FHOD1: variants seen among roughly 807,000 people sequenced by gnomAD.
The protein encoded by FHOD1 is formin homology 2 domain containing 1, also known as FH1/FH2 domain-containing protein 1.
In FHOD1, 89 loss-of-function variants were observed where a neutral mutation model predicts 111.6. The ratio of observed to expected loss-of-function variants is 0.80; its 90% CI spans 0.67 to 0.95. The LOEUF is 0.95. FHOD1 is among the 40% of genes least tolerant of loss of function. The probability of loss-of-function intolerance (pLI) is 0.00; values close to 1 mark genes in which losing one functional copy is unlikely to be tolerated. For missense variants in FHOD1, 1,446 were observed against 1,554.2 expected (o/e 0.93, Z 1.17); for synonymous variants, 618 against 639.0 (o/e 0.97, Z 0.50).
chr16:67,231,079 G>A lies in FHOD1; in HGVS notation c.2667+109C>T. Reference sequence around the variant, plus strand: ...CATAGCTCACACCCAGGTGGCTGGAGCAAGCCCTGGCACAGCAGCCCAAAT... The same window carrying A: ...CATAGCTCACACCCAGGTGGCTGGAACAAGCCCTGGCACAGCAGCCCAAAT... On this transcript the variant is annotated intron_variant, in intron 17 of 21. Transcript: ENST00000258201. The surrounding 1 kb of genome is among the most constrained non-coding windows in gnomAD (Gnocchi z 4.3). 1.4e-6 allele frequency: 2 copies of A among 1,421,112 alleles called. No individual in the cohort carries two copies. The highest frequency in any genetic ancestry group is 1.9e-6 in the Non-Finnish European group (2 of 1,041,234). The allele number at this position is 1,421,112 out of a possible 1,614,324, so 88.0% of individuals were successfully genotyped here.
In FHOD1 at chr16:67,238,666, C is replaced by T; in HGVS notation, c.374-219G>A. The T allele has an allele frequency of 1.5e-6, 1 of 660,966 alleles. No individual in the cohort carries two copies. The highest frequency in any genetic ancestry group is 2.7e-6 in the Non-Finnish European group (1 of 373,892). The allele number at this position is 660,966 out of a possible 1,614,324, so 40.9% of individuals were successfully genotyped here. A position where few individuals can be genotyped will look rare whatever the true frequency, so the allele number is the denominator to read the frequency against. ...TCCTAGCCTCAAGCAATTCTCCCAC[C>T]TTGACCTCTCAAAGCACTGGCATTG... On this transcript the variant is annotated intron_variant, in intron 3 of 21. Transcript: ENST00000258201. The surrounding 1 kb of genome is among the most constrained non-coding windows in gnomAD (Gnocchi z 4.2).
intron 1 of FHOD1, among the ~76,000 whole-genome samples, chr16:67,240,452 C>T (rs2034633465): frequency 6.6e-6 from 1 of 152,180 alleles, no homozygotes; most frequent in African/African-American, 2.4e-5. Context: ...TTGCTTGAAT[C>T]CAGGAGGCAG....
chr16:67,237,231 C>A lies in FHOD1; in HGVS notation c.993+8G>T, dbSNP rs777100571. ...CCAATCCGCCTCAGAGCGTAAGGCC[C>A]GGCCCACCTCGTAGAGCACAAGCTG... On this transcript the variant is annotated splice_region_variant and intron_variant, in intron 9 of 21. Coordinates refer to ENST00000258201, the MANE Select transcript of FHOD1 (RefSeq NM_013241.3). This position sits in a 1 kb window ranked among gnomAD's most constrained non-coding sequence, Gnocchi z 5.6. The A allele has an allele frequency of 6.2e-7, 1 of 1,612,266 alleles. No homozygotes were observed. The highest frequency in any genetic ancestry group is 1.7e-5 in the Admixed American group (1 of 59,966).
Position 67,236,654 on chromosome 16 carries a change from C to T in FHOD1, c.1222G>A (p.Val408Met), listed in dbSNP as rs200846612. 2.5e-6 allele frequency: 4 copies of T among 1,611,594 alleles called. No individual in the cohort carries two copies. The highest frequency in any genetic ancestry group is 3.4e-5 in the Admixed American group (2 of 59,638). ...ALLTGPASSP[V>M]GPPSGLQASV... ...GCTTGGAGACCGGAGGGAGGGCCCACAGGGCTGGAGGCGGGGCCTGTCAGC... is the reference window on the plus strand; with the variant it reads ...GCTTGGAGACCGGAGGGAGGGCCCATAGGGCTGGAGGCGGGGCCTGTCAGC... Residue 408 changes from valine to methionine, a missense_variant, in exon 11 of 22, where the codon GTG becomes ATG. Coordinates refer to ENST00000258201, the MANE Select transcript of FHOD1 (RefSeq NM_013241.3).
chr16:67,236,169 C>T (rs865989245), intron 11 of FHOD1: 3 of 523,070 alleles, frequency 5.7e-6, no homozygotes, highest in African/African-American at 4.1e-5. Context: ...GGGTTCCTTC[C>T]CAGCCGCAGT....
chr16:67,246,680 G>A (rs1042473159), intron 1 of FHOD1, among the ~76,000 whole-genome samples: 1 of 152,190 alleles, frequency 6.6e-6, no homozygotes. Flanking sequence ...CCCTCACCCC[G>A]TGAAGTCTCT....
In FHOD1 at chr16:67,231,420, T is replaced by G; in HGVS notation, c.2505+10A>C. ...CTGACTCCCCCTAGTCCCCATGTAC[T>G]CTCACTCACCTGGGAGCCATTGAGG... On this transcript the variant is annotated intron_variant, in intron 16 of 21. Coordinates refer to ENST00000258201, the MANE Select transcript of FHOD1 (RefSeq NM_013241.3). The surrounding 1 kb of genome is among the most constrained non-coding windows in gnomAD (Gnocchi z 4.3). The G allele has an allele frequency of 6.6e-7, 1 of 1,509,788 alleles. No individual in the cohort carries two copies. The allele number at this position is 1,509,788 out of a possible 1,614,324, so 93.5% of individuals were successfully genotyped here. A position where few individuals can be genotyped will look rare whatever the true frequency, so the allele number is the denominator to read the frequency against.
In FHOD1 at chr16:67,232,176, G is replaced by A. The variant is rs374165476; in HGVS notation, c.2065C>T (p.Arg689Trp). 81 of 1,614,022 alleles carry A rather than the reference G, an allele frequency of 5.0e-5. No homozygotes were observed. Among genetic ancestry groups the A allele is most frequent in the Non-Finnish European group, 6.5e-5 (77 of 1,180,038 alleles). The change falls in exon 14 of 22, where the codon CGG becomes TGG. Residue 689 changes from arginine to tryptophan, a missense_variant. By Grantham distance (101) the Arg-to-Trp change is moderately radical. Around this residue, in one of 3 missense-constraint regions of FHOD1, gnomAD observed 1,085 missense variants for 1,108.8 expected, o/e 0.98. Transcript: ENST00000258201. ...LPSKKAGEGR[R>W]TMTTVLDPKR... is the part of the protein sequence containing the mutation. ...GGGTCCAGCACTGTGGTCATTGTCC[G>A]GCGGCCCTCTCCAGCTTTCTGCATG... is the stretch of plus-strand genomic sequence containing the variant.
At position 67,232,272 on chromosome 16, in the gene FHOD1, CTT is replaced by C; in HGVS notation, c.2047-80_2047-79del. 3 of 1,485,614 alleles carry C rather than the reference CTT, an allele frequency of 2.0e-6. No homozygotes were observed. The South Asian group carries it at 3.6e-5, about 18-fold the overall frequency. 92.0% of individuals were successfully genotyped at this position (1,485,614 alleles called of 1,614,324 possible). A position where few individuals can be genotyped will look rare whatever the true frequency, so the allele number is the denominator to read the frequency against. On this transcript the variant is annotated intron_variant, in intron 13 of 21. Coordinates refer to ENST00000258201, the MANE Select transcript of FHOD1 (RefSeq NM_013241.3). ...GTGGCTCACGCCTGTAATCCCAGCA[CTT>C]TGGGAGGCCAAGGCGGGTGGACCAC...
At position 67,247,387 on chromosome 16, in the gene FHOD1, C is replaced by G. The variant is rs772771274; in HGVS notation, c.24G>C (p.Gly8=). The part of the protein sequence containing the change: MAGGEDR[G]DGEPVSVVTV... ...TCACCACTGATACCGGCTCTCCGTC[C>G]CCGCGGTCTTCCCCGCCCGCCATGG... Residue 8 remains glycine, a synonymous_variant, in exon 1 of 22, where the codon GGG becomes GGC. Transcript: ENST00000258201. The G allele has an allele frequency of 1.2e-6, 2 of 1,613,158 alleles. No homozygotes were observed. The highest frequency in any genetic ancestry group is 2.2e-5 in the East Asian group (1 of 44,842).
chr16:67,232,266 C>T, intron 13 of FHOD1, 72 bp from the exon 14 acceptor site: 1 of 1,545,188 alleles, frequency 6.5e-7, no homozygotes, highest in South Asian at 1.2e-5. Flanking sequence ...GCCTGTAATC[C>T]CAGCACTTTG....
At position 67,232,166 on chromosome 16, in the gene FHOD1, G is replaced by A. The variant is rs1368245887; in HGVS notation, c.2075C>T (p.Thr692Ile). Reference protein sequence around the residue: ...KKAGEGRRTMTTVLDPKRSNA... With the variant: ...KKAGEGRRTMITVLDPKRSNA... ...GCTGCGCTTGGGGTCCAGCACTGTG[G>A]TCATTGTCCGGCGGCCCTCTCCAGC... Residue 692 changes from threonine (T) to isoleucine (I), a missense_variant, in exon 14 of 22, where the codon ACC (threonine) becomes ATC (isoleucine). Thr to Ile is a moderately conservative substitution (Grantham distance 89, BLOSUM62 -1). Coordinates refer to ENST00000258201, the MANE Select transcript of FHOD1 (RefSeq NM_013241.3). The A allele has an allele frequency of 6.2e-7, 1 of 1,614,046 alleles. No individual in the cohort carries two copies. Among genetic ancestry groups the A allele is most frequent in the Non-Finnish European group, 8.5e-7 (1 of 1,180,038 alleles).
chr16:67,233,268 T>C (rs770685779), intron 13 of FHOD1, among the ~76,000 whole-genome samples: 2 of 152,012 alleles, frequency 1.3e-5, no homozygotes, highest in Non-Finnish European at 2.9e-5. Flanking sequence ...GTGTTTTTAG[T>C]AGAGACGGGG....
rs755736544 is a variant in FHOD1, at chr16:67,234,400, C to G, written c.1392G>C (p.Glu464Asp). Residue 464 changes from glutamate (E) to aspartate (D), a missense_variant, in exon 12 of 22, where the codon GAG (glutamate) becomes GAC (aspartate). Transcript: ENST00000258201. The part of the protein sequence containing the change: ...KQVALAQGRA[E>D]TLAGAMPNEA... The stretch of plus-strand genomic sequence containing the variant: ...CATTGGGCATGGCCCCGGCAAGTGT[C>G]TCTGCCCGGCCCTGGGCCAGCGCAA... 1.9e-6 allele frequency: 3 copies of G among 1,610,238 alleles called. No individual in the cohort carries two copies. Among genetic ancestry groups the G allele is most frequent in the Admixed American group, 1.7e-5 (1 of 59,880 alleles).
chr16:67,247,466 C>G lies in FHOD1; in HGVS notation c.-56G>C. The G allele has an allele frequency of 2.6e-6, 4 of 1,567,454 alleles. No homozygotes were observed. Among genetic ancestry groups the G allele is most frequent in the Non-Finnish European group, 3.5e-6 (4 of 1,150,802 alleles). ...CCGAGTCCCGGCCCCAGTGCAGCTT[C>G]TACTCAAAGCACACTGTAGCTCCGC... On this transcript the variant is annotated 5_prime_UTR_variant, in exon 1 of 22. Transcript: ENST00000258201.
intron 11 of FHOD1, 71 bp from the exon 12 acceptor site, chr16:67,234,543 C>T (rs1303070612): frequency 1.5e-6 from 2 of 1,332,768 alleles, no homozygotes; most frequent in Non-Finnish European, 1.0e-6. Flanking sequence ...TTGCTGAGCC[C>T]CTGGACACCA....
Position 67,237,126 on chromosome 16 carries a change from G to T in FHOD1, c.994-12C>A. ...AATTTCAGGGCGTTCTAGCAGAGGC[G>T]GACCAGGATGTAAGAAAGTGGTTAA... On this transcript the variant is annotated splice_polypyrimidine_tract_variant and intron_variant, in intron 9 of 21. Transcript: ENST00000258201. The surrounding 1 kb of genome is among the most constrained non-coding windows in gnomAD (Gnocchi z 5.6). The T allele has an allele frequency of 6.2e-7, 1 of 1,605,790 alleles. No individual in the cohort carries two copies. The highest frequency in any genetic ancestry group is 8.5e-7 in the Non-Finnish European group (1 of 1,175,506).
In FHOD1 at chr16:67,229,790, T is replaced by TA. The variant is rs1392719309; in HGVS notation, c.3412+2dup. ...GGCAGTGGGATTGTGGGGGGTTACT[T>TA]ACAAGACTTGCGGTTGCCGCGGGAA... On this transcript the variant is annotated splice_region_variant and intron_variant, in intron 21 of 21. Transcript: ENST00000258201. 6.2e-7 allele frequency: 1 copy of TA among 1,614,198 alleles called. No individual in the cohort carries two copies. Among genetic ancestry groups the TA allele is most frequent in the Admixed American group, 1.7e-5 (1 of 60,026 alleles).
chr16:67,246,115 C>T (rs2034816153), intron 1 of FHOD1, among the ~76,000 whole-genome samples: 2 of 152,260 alleles, frequency 1.3e-5, no homozygotes, highest in Admixed American at 6.5e-5. Flanking sequence ...GTCTCACCAC[C>T]CCTCCCGCCA....
Sources: allele counts gnomAD v4.1 joint callset (sites outside exome capture counted in the v4.1 genomes callset), GRCh38; gene constraint gnomAD v4.1.1; regional missense constraint gnomAD v4.1.1; non-coding constraint Gnocchi (gnomAD v3.1); transcripts MANE v1.5; gene names NCBI Gene and HGNC (gene_info 2026-07-23, HGNC 2026-07-21).